ACTR3C: variants seen among roughly 807,000 people sequenced by gnomAD.
ACTR3C encodes actin related protein 3C.
In ACTR3C, 18 loss-of-function variants were observed where a neutral mutation model predicts 26.3. The ratio of observed to expected loss-of-function variants is 0.68; its 90% CI spans 0.47 to 1.01. ACTR3C has a LOEUF of 1.01. Among genes scored for constraint, ACTR3C ranks in the 50% least tolerant of loss-of-function variants. The pLI is 0.00. For missense variants in ACTR3C, 184 were observed against 250.7 expected, an observed-to-expected ratio of 0.73 and a Z score of 1.80; for synonymous variants, 55 against 94.5, an observed-to-expected ratio of 0.58 and a Z score of 2.42.
the ACTR3C span, among the ~76,000 whole-genome samples, chr7:150,038,200 C>T: frequency 7.0e-6 from 1 of 143,776 alleles, no homozygotes; most frequent in South Asian, 2.1e-4. Context: ...AGCTTATTTG[C>T]TTCTTGTACT....
chr7:149,977,504 G>T, the ACTR3C span, among the ~76,000 whole-genome samples: 1 of 152,172 alleles, frequency 6.6e-6, no homozygotes, highest in Non-Finnish European at 1.5e-5. Context: ...AGTGAATAAA[G>T]TCACTTTCTT....
At chr7:150,126,616 C>T in the ACTR3C span, among the ~76,000 whole-genome samples, 1 of 152,196 alleles carries the variant, frequency 6.6e-6, no homozygotes, top group Admixed American at 6.5e-5. Flanking sequence ...TGAAACACCC[C>T]ATCAAGGATG....
chr7:150,153,350 TA>T, the ACTR3C span, among the ~76,000 whole-genome samples: 4,433 of 149,498 alleles, frequency 0.03, 204 homozygotes, highest in East Asian at 0.19. Flanking sequence ...ATCCAGAATC[TA>T]CAATGAACTC....
the ACTR3C span, among the ~76,000 whole-genome samples, chr7:150,167,322 A>C: frequency 6.6e-6 from 1 of 150,688 alleles, no homozygotes; most frequent in African/African-American, 2.5e-5. Context: ...TCTGCCAGAT[A>C]TGCTATTTTT....
chr7:149,890,985 C>T, the ACTR3C span: 1 of 401,600 alleles, frequency 2.5e-6, no homozygotes, highest in Admixed American at 4.2e-5. Flanking sequence ...CTAGAGCTGC[C>T]TCACTTGGGC....
the ACTR3C span, among the ~76,000 whole-genome samples, chr7:149,975,287 T>C: frequency 6.6e-6 from 1 of 152,018 alleles, no homozygotes; most frequent in Non-Finnish European, 1.5e-5. Flanking sequence ...TTAAACACCC[T>C]GATAAATTAC....
the ACTR3C span, among the ~76,000 whole-genome samples, chr7:149,933,358 G>A: frequency 4.6e-5 from 7 of 151,282 alleles, no homozygotes; most frequent in African/African-American, 1.5e-4. Flanking sequence ...TCAGTAATCA[G>A]GACACTGATG....
chr7:150,319,376 T>C (rs1415387413), intron 1 of ACTR3C, among the ~76,000 whole-genome samples: 1 of 152,030 alleles, frequency 6.6e-6, no homozygotes, highest in Non-Finnish European at 1.5e-5. Flanking sequence ...CCTAGCTAAT[T>C]TTGTATTTTT....
the ACTR3C span, among the ~76,000 whole-genome samples, chr7:150,144,296 T>C: frequency 6.6e-6 from 1 of 152,180 alleles, no homozygotes; most frequent in Non-Finnish European, 1.5e-5. The surrounding 1 kb of genome is among the most constrained non-coding windows in gnomAD (Gnocchi z 4.6). Context: ...ATATTTTAAC[T>C]CAGTACTGTT....
At chr7:149,942,931 C>G in the ACTR3C span, among the ~76,000 whole-genome samples, 2 of 151,676 alleles carry the variant, frequency 1.3e-5, no homozygotes, top group Non-Finnish European at 2.9e-5. Context: ...TTGGGCTGAT[C>G]GACGAACAAA....
chr7:150,035,649 A>C, the ACTR3C span, among the ~76,000 whole-genome samples: 2 of 132,854 alleles, frequency 1.5e-5, no homozygotes, highest in Non-Finnish European at 3.3e-5. Flanking sequence ...TGGACAACTA[A>C]CACTCGCAGT....
the ACTR3C span, among the ~76,000 whole-genome samples, chr7:149,983,464 T>TATATATATATATATATATATATATAC: frequency 3.1e-5 from 4 of 127,056 alleles, no homozygotes; most frequent in Non-Finnish European, 6.5e-5. Flanking sequence ...TATATATATA[T>TATATATATATATATATATATATATAC]GTAGGAAAAC....
the ACTR3C span, among the ~76,000 whole-genome samples, chr7:149,950,166 T>A: frequency 7.6e-6 from 1 of 131,352 alleles, no homozygotes; most frequent in African/African-American, 3.4e-5. Flanking sequence ...CTTCTGTCCC[T>A]TGTCTACCAA....
At chr7:150,149,343 G>GT in the ACTR3C span, among the ~76,000 whole-genome samples, 12 of 151,308 alleles carry the variant, frequency 7.9e-5, no homozygotes, top group East Asian at 5.9e-4. Flanking sequence ...ATGCACTAGT[G>GT]TTTTTTTTAT....
chr7:149,943,526 A>G, the ACTR3C span, among the ~76,000 whole-genome samples: 3 of 151,382 alleles, frequency 2.0e-5, no homozygotes, highest in African/African-American at 7.4e-5. Context: ...CAGGAGTTTG[A>G]GACCAGCCTG....
the ACTR3C span, among the ~76,000 whole-genome samples, chr7:150,013,514 G>C: frequency 2.0e-5 from 3 of 152,202 alleles, no homozygotes; most frequent in African/African-American, 7.2e-5. Context: ...GAAGCTAACT[G>C]CACCAAGAGA....
intron 3 of ACTR3C, among the ~76,000 whole-genome samples, chr7:150,289,814 C>T (rs1461007612): frequency 2.0e-5 from 3 of 150,902 alleles, no homozygotes; most frequent in Admixed American, 1.3e-4. Context: ...ATTCCAATAA[C>T]CTGACACTCT....
chr7:150,076,196 A>G, the ACTR3C span, among the ~76,000 whole-genome samples: 1 of 151,372 alleles, frequency 6.6e-6, no homozygotes, highest in Non-Finnish European at 1.5e-5. Context: ...GAAGTGTTCC[A>G]ATGAGTATTG....
the ACTR3C span, among the ~76,000 whole-genome samples, chr7:150,219,485 G>A: frequency 6.9e-6 from 1 of 144,464 alleles, no homozygotes; most frequent in Non-Finnish European, 1.5e-5. Flanking sequence ...GAATTTCCTC[G>A]CTAATTCATC....
Sources: allele counts gnomAD v4.1 joint callset (sites outside exome capture counted in the v4.1 genomes callset), GRCh38; gene constraint gnomAD v4.1.1; non-coding constraint Gnocchi (gnomAD v3.1); transcripts MANE v1.5; gene names NCBI Gene and HGNC (gene_info 2026-07-23, HGNC 2026-07-21).